The following ATP6V0D2 variants were observed in gnomAD, a reference collection of about 807,000 sequenced individuals.
The protein encoded by ATP6V0D2 is ATPase H+ transporting V0 subunit d2, also known as V-type proton ATPase subunit d 2.
In ATP6V0D2, 40 loss-of-function variants were observed where a neutral mutation model predicts 40.0. The observed-to-expected ratio is 1.00, with a 90% CI of 0.78 to 1.30. The LOEUF (loss-of-function observed/expected upper bound fraction) is 1.30, where lower values mean the gene tolerates loss of function less well. Among genes scored for constraint, ATP6V0D2 ranks in the 50% most tolerant of loss-of-function variants. ATP6V0D2 has a pLI of 0.00. For missense variants in ATP6V0D2, 470 were observed against 423.1 expected, an observed-to-expected ratio of 1.11 and a Z score of -0.97; for synonymous variants, 179 against 156.3, an observed-to-expected ratio of 1.15 and a Z score of -1.08.
intron 2 of ATP6V0D2, among the ~76,000 whole-genome samples, chr8:86,135,305 GAAA>G (rs991527448): frequency 5.3e-5 from 8 of 152,178 alleles, no homozygotes; most frequent in Non-Finnish European, 1.2e-4. Context: ...TTATCATACA[GAAA>G]ATATATTATA....
rs943298653 is a variant in ATP6V0D2 at position 86,153,051 on chromosome 8, T to A, written c.*74T>A. 1 of 1,318,850 alleles carries A rather than the reference T, an allele frequency of 7.6e-7. No individual in the cohort carries two copies. Among genetic ancestry groups the A allele is most frequent in the South Asian group, 1.6e-5 (1 of 62,084 alleles). The allele number at this position is 1,318,850 out of a possible 1,614,324, so 81.7% of individuals were successfully genotyped here. On this transcript the variant is annotated 3_prime_UTR_variant, in exon 8 of 8. Transcript: ENST00000285393. Reference sequence around the variant, plus strand: ...TTATTGAAGAAAATAAAAGAAATTATGTTATATTATCTAGACTACACAAAA... The same window carrying A: ...TTATTGAAGAAAATAAAAGAAATTAAGTTATATTATCTAGACTACACAAAA...
At chr8:86,148,555 T>C (rs1391898965) in intron 5 of ATP6V0D2, among the ~76,000 whole-genome samples, 1 of 152,202 alleles carries the variant, frequency 6.6e-6, no homozygotes, top group East Asian at 1.9e-4. Context: ...GGGAATCCTA[T>C]GAAAATGCAG....
intron 1 of ATP6V0D2, among the ~76,000 whole-genome samples, chr8:86,111,464 C>A (rs1317172280): frequency 6.6e-6 from 1 of 152,098 alleles, no homozygotes; most frequent in African/African-American, 2.4e-5. Flanking sequence ...TTTATACCAC[C>A]TTTCCTTTGT....
intron 2 of ATP6V0D2, among the ~76,000 whole-genome samples, chr8:86,129,729 G>C (rs1818792021): frequency 6.6e-6 from 1 of 151,918 alleles, no homozygotes; most frequent in Non-Finnish European, 1.5e-5. Flanking sequence ...CTTGAACCCA[G>C]GAGGCAGAGG....
At chr8:86,106,417 G>A (rs1376036078) in intron 1 of ATP6V0D2, among the ~76,000 whole-genome samples, 1 of 152,216 alleles carries the variant, frequency 6.6e-6, no homozygotes, top group Non-Finnish European at 1.5e-5. Context: ...ACAAGCGTGA[G>A]CACTGATAAG....
At chr8:86,118,019 T>C (rs1025913424) in intron 2 of ATP6V0D2, among the ~76,000 whole-genome samples, 16 of 126,920 alleles carry the variant, frequency 1.3e-4, no homozygotes, top group African/African-American at 8.4e-4. Context: ...TCTTTCTTTC[T>C]TTCTTTCTTT....
At chr8:86,118,307 C>G (rs1353191048) in intron 2 of ATP6V0D2, among the ~76,000 whole-genome samples, 2 of 150,820 alleles carry the variant, frequency 1.3e-5, no homozygotes, top group Non-Finnish European at 2.9e-5. Context: ...CTCCTGACCT[C>G]AAGTGATCCA....
Position 86,098,958 on chromosome 8 carries a change from T to C in ATP6V0D2, c.-21T>C. 1 of 1,611,708 alleles carries C rather than the reference T, an allele frequency of 6.2e-7. No homozygotes were observed. Among genetic ancestry groups the C allele is most frequent in the Non-Finnish European group, 8.5e-7 (1 of 1,178,978 alleles). Reference sequence around the variant, plus strand: ...GACTACAGAGCTGTTTCACCCTACCTTGGCTTCAATCTCTTCCCCCATGCT... The same window carrying C: ...GACTACAGAGCTGTTTCACCCTACCCTGGCTTCAATCTCTTCCCCCATGCT... On this transcript the variant is annotated 5_prime_UTR_variant, in exon 1 of 8. Coordinates refer to ENST00000285393, the MANE Select transcript of ATP6V0D2 (RefSeq NM_152565.1).
At position 86,109,435 on chromosome 8, in the gene ATP6V0D2, G is replaced by A. The variant is rs115466160; in HGVS notation, c.131-4274G>A. On this transcript the variant is annotated intron_variant, in intron 1 of 7. Transcript: ENST00000285393. The stretch of plus-strand genomic sequence containing the variant: ...TGGAATCTGAAAGCAAGCATCCCTT[G>A]GATCATTTTAGTGCTGGGGAAGAGA... Among the ~76,000 whole-genome samples the A allele has an allele frequency of 9.8e-3, 1,487 of 152,154 alleles. 21 individuals carry two copies. Among genetic ancestry groups the A allele is most frequent in the African/African-American group, 0.034 (1,395 of 41,492 alleles).
At chr8:86,109,321 A>G (rs887018953) in intron 1 of ATP6V0D2, among the ~76,000 whole-genome samples, 1 of 152,228 alleles carries the variant, frequency 6.6e-6, no homozygotes, top group African/African-American at 2.4e-5. Context: ...CAGTGAACTC[A>G]TTTTGAAAAG....
At chr8:86,136,409 G>C (rs1251855303) in intron 2 of ATP6V0D2, among the ~76,000 whole-genome samples, 13 of 152,090 alleles carry the variant, frequency 8.5e-5, no homozygotes, top group Non-Finnish European at 8.8e-5. Flanking sequence ...TACATTGCAG[G>C]GGAGGTTGTG....
intron 1 of ATP6V0D2, among the ~76,000 whole-genome samples, chr8:86,106,329 C>T (rs2130229888): frequency 6.6e-6 from 1 of 152,070 alleles, no homozygotes; most frequent in Non-Finnish European, 1.5e-5. Flanking sequence ...GACAAGGTCT[C>T]ACTTTGTTGC....
chr8:86,153,078 T>A lies in ATP6V0D2; in HGVS notation c.*101T>A. ...TTATATTATCTAGACTACACAAAAG[T>A]AAGCCACACTATATCTTCATGAGTT... On this transcript the variant is annotated 3_prime_UTR_variant, in exon 8 of 8. Coordinates refer to ENST00000285393, the MANE Select transcript of ATP6V0D2 (RefSeq NM_152565.1). 1.0e-6 allele frequency: 1 copy of A among 978,426 alleles called. No individual in the cohort carries two copies. Among genetic ancestry groups the A allele is most frequent in the Non-Finnish European group, 1.4e-6 (1 of 702,308 alleles). 60.6% of individuals were successfully genotyped at this position (978,426 alleles called of 1,614,324 possible).
intron 5 of ATP6V0D2, among the ~76,000 whole-genome samples, chr8:86,146,596 T>C (rs1819072138): frequency 6.6e-6 from 1 of 152,120 alleles, no homozygotes; most frequent in Admixed American, 6.5e-5. Flanking sequence ...CTCAGGAGGC[T>C]GAGGTGGGAA....
At chr8:86,106,171 C>T (rs1365726306) in intron 1 of ATP6V0D2, among the ~76,000 whole-genome samples, 9 of 151,510 alleles carry the variant, frequency 5.9e-5, no homozygotes, top group Non-Finnish European at 5.9e-5. Flanking sequence ...TTGCCCAAGC[C>T]AGGGAATGCA....
chr8:86,110,490 G>A (rs1319155676), intron 1 of ATP6V0D2, among the ~76,000 whole-genome samples: 1 of 152,238 alleles, frequency 6.6e-6, no homozygotes, highest in Non-Finnish European at 1.5e-5. Context: ...GAAGCCAAAT[G>A]TAAGGACTGA....
chr8:86,099,391 C>A (rs1438654624), intron 1 of ATP6V0D2, among the ~76,000 whole-genome samples: 1 of 152,190 alleles, frequency 6.6e-6, no homozygotes, highest in African/African-American at 2.4e-5. Flanking sequence ...CTGTCACCAA[C>A]AAAAATTCAA....
chr8:86,111,699 C>T (rs1052933063), intron 1 of ATP6V0D2, among the ~76,000 whole-genome samples: 1 of 152,180 alleles, frequency 6.6e-6, no homozygotes, highest in African/African-American at 2.4e-5. Context: ...GCTCCTTGCA[C>T]ACAGCATACC....
At chr8:86,132,925 C>A (rs1818846218) in intron 2 of ATP6V0D2, among the ~76,000 whole-genome samples, 1 of 152,122 alleles carries the variant, frequency 6.6e-6, no homozygotes, top group Non-Finnish European at 1.5e-5. Flanking sequence ...AGTACTTGTA[C>A]CAATTGAAAT....
Sources: allele counts gnomAD v4.1 joint callset (sites outside exome capture counted in the v4.1 genomes callset), GRCh38; gene constraint gnomAD v4.1.1; transcripts MANE v1.5; gene names NCBI Gene and HGNC (gene_info 2026-07-23, HGNC 2026-07-21).